Variants in CENPW observed in about 807,000 individuals in gnomAD.
CENPW encodes cancer-up-regulated gene 2 protein.
CENPW carries 3 observed loss-of-function variants against 11.1 expected under a neutral mutation model. The observed-to-expected ratio is 0.27, with a 90% CI of 0.12 to 0.70. The LOEUF (loss-of-function observed/expected upper bound fraction) is 0.70, where lower values mean the gene tolerates loss of function less well. Ranked by LOEUF, CENPW falls within the 30% of genes least tolerant of loss-of-function variation. CENPW has a pLI of 0.77. For missense variants in CENPW, 100 were observed against 105.6 expected, an observed-to-expected ratio of 0.95 and a Z score of 0.23; for synonymous variants, 38 against 42.0, an observed-to-expected ratio of 0.91 and a Z score of 0.37.
chr6:126,362,919 T>C, the CENPW span, among the ~76,000 whole-genome samples: 2 of 152,212 alleles, frequency 1.3e-5, no homozygotes, highest in Non-Finnish European at 2.9e-5. Context: ...GCTTCAAATA[T>C]ATCTTTTGTA....
the CENPW span, among the ~76,000 whole-genome samples, chr6:126,355,523 TA>T: frequency 6.7e-6 from 1 of 149,022 alleles, no homozygotes; most frequent in African/African-American, 2.4e-5. Flanking sequence ...CTGTATTCCA[TA>T]ACCTGAAGAC....
the CENPW span, among the ~76,000 whole-genome samples, chr6:126,480,193 C>T: frequency 6.6e-6 from 1 of 151,752 alleles, no homozygotes; most frequent in African/African-American, 2.4e-5. Context: ...CACACACACA[C>T]AGAGAAATGA....
At chr6:126,453,155 A>C in the CENPW span, among the ~76,000 whole-genome samples, 25 of 151,248 alleles carry the variant, frequency 1.7e-4, no homozygotes, top group African/African-American at 6.0e-4. Context: ...TCATTCATAA[A>C]AATTTCCCCA....
chr6:126,353,323 G>C (rs1304499231), downstream of CENPW, among the ~76,000 whole-genome samples: 3 of 149,196 alleles, frequency 2.0e-5, no homozygotes, highest in African/African-American at 7.4e-5. Context: ...TTTTCTGATA[G>C]AATATTTCAC....
At chr6:126,456,985 C>T in the CENPW span, among the ~76,000 whole-genome samples, 3 of 151,508 alleles carry the variant, frequency 2.0e-5, no homozygotes, top group African/African-American at 4.8e-5. Flanking sequence ...ATGAAAACCA[C>T]AAACGTGATA....
chr6:126,376,609 GTGCTTCAGCTGAAGTCT>G, the CENPW span, among the ~76,000 whole-genome samples: 2 of 152,038 alleles, frequency 1.3e-5, no homozygotes, highest in African/African-American at 4.8e-5. Flanking sequence ...ACCAGACTAG[GTGCTTCAGCTGAAGTCT>G]TGGAACTGGG....
the CENPW span, among the ~76,000 whole-genome samples, chr6:126,422,998 G>T: frequency 4.9e-4 from 74 of 152,208 alleles, no homozygotes; most frequent in Admixed American, 7.9e-4. Flanking sequence ...AGGAACTTTA[G>T]CTTGCTTTTC....
chr6:126,371,440 A>C, the CENPW span, among the ~76,000 whole-genome samples: 1 of 152,350 alleles, frequency 6.6e-6, no homozygotes, highest in South Asian at 2.1e-4. Flanking sequence ...TATGAAACCC[A>C]GTTGATCATG....
At chr6:126,463,394 TG>T in the CENPW span, among the ~76,000 whole-genome samples, 4 of 151,988 alleles carry the variant, frequency 2.6e-5, no homozygotes, top group African/African-American at 9.7e-5. Context: ...GAGTATAAAT[TG>T]TTTTTTCCCA....
chr6:126,402,767 G>A, the CENPW span, among the ~76,000 whole-genome samples: 2 of 151,886 alleles, frequency 1.3e-5, no homozygotes, highest in Non-Finnish European at 2.9e-5. Flanking sequence ...GTTGATGAAC[G>A]TTTGAGTTGT....
the CENPW span, among the ~76,000 whole-genome samples, chr6:126,430,664 G>T: frequency 6.6e-6 from 1 of 152,004 alleles, no homozygotes; most frequent in African/African-American, 2.4e-5. Flanking sequence ...GATTATTATT[G>T]ACTCCTGGCT....
At chr6:126,472,276 C>T in the CENPW span, among the ~76,000 whole-genome samples, 1 of 152,170 alleles carries the variant, frequency 6.6e-6, no homozygotes, top group African/African-American at 2.4e-5. Flanking sequence ...ATATTCCTCA[C>T]CACCCTAAAC....
downstream of CENPW, among the ~76,000 whole-genome samples, chr6:126,352,796 A>G (rs756642075): frequency 4.6e-5 from 7 of 151,996 alleles, no homozygotes; most frequent in African/African-American, 1.4e-4. Flanking sequence ...TTTGGTTTCT[A>G]TTATACATTT....
the CENPW span, among the ~76,000 whole-genome samples, chr6:126,357,766 ACC>A: frequency 1.8e-4 from 27 of 152,126 alleles, no homozygotes; most frequent in African/African-American, 6.5e-4. Flanking sequence ...GTGCCACCAC[ACC>A]TGGCTGATTT....
chr6:126,408,821 A>T, the CENPW span, among the ~76,000 whole-genome samples: 1 of 151,744 alleles, frequency 6.6e-6, no homozygotes, highest in Non-Finnish European at 1.5e-5. Flanking sequence ...ATCAATTATA[A>T]TTTTTTTGTT....
At chr6:126,432,066 CAAAAAAAAA>C in the CENPW span, among the ~76,000 whole-genome samples, 9 of 36,564 alleles carry the variant, frequency 2.5e-4, no homozygotes, top group African/African-American at 8.3e-4. Context: ...CTCCATCTCA[CAAAAAAAAA>C]AAAAAAAAAA....
chr6:126,437,077 C>T, the CENPW span, among the ~76,000 whole-genome samples: 1 of 151,524 alleles, frequency 6.6e-6, no homozygotes, highest in Admixed American at 6.6e-5. Flanking sequence ...TTCGGTCAAC[C>T]TGTATATGAG....
intron 1 of CENPW, among the ~76,000 whole-genome samples, chr6:126,342,957 G>A (rs1026428180): frequency 1.3e-5 from 2 of 152,018 alleles, no homozygotes; most frequent in African/African-American, 2.4e-5. Context: ...TTATTTGATT[G>A]TTTAGCCCCA....
the CENPW span, among the ~76,000 whole-genome samples, chr6:126,412,328 T>C: frequency 6.6e-6 from 1 of 151,838 alleles, no homozygotes; most frequent in South Asian, 2.1e-4. Flanking sequence ...GTATTTAGAG[T>C]CTTGTTTTAC....
Sources: gnomAD v4.1 joint callset for allele counts (sites outside exome capture counted in the v4.1 genomes callset) on GRCh38, gnomAD v4.1.1 for gene constraint, MANE v1.5 for transcripts, NCBI Gene and HGNC (gene_info 2026-07-23, HGNC 2026-07-21) for gene names.